Variants in EIF3H observed in about 807,000 individuals in gnomAD.
EIF3H encodes the protein eukaryotic translation initiation factor 3 subunit H.
EIF3H carries 26 observed loss-of-function variants against 44.2 expected under a neutral mutation model. The ratio of observed to expected loss-of-function variants is 0.59; its 90% CI spans 0.43 to 0.82. EIF3H has a LOEUF of 0.82. EIF3H is among the 40% of genes least tolerant of loss of function. EIF3H has a pLI of 0.00. For synonymous variants in EIF3H, 166 were observed against 151.9 expected, an observed-to-expected ratio of 1.09 and a Z score of -0.68; for missense variants, 359 against 432.8, an observed-to-expected ratio of 0.83 and a Z score of 1.51.
intron 5 of EIF3H, among the ~76,000 whole-genome samples, chr8:116,655,569 G>C (rs1813474895): frequency 6.6e-6 from 1 of 152,016 alleles, no homozygotes; most frequent in South Asian, 2.1e-4. Context: ...CCTCCCTCTT[G>C]GGCACTGACC....
chr8:116,657,274 T>C lies in EIF3H; in HGVS notation c.498A>G (p.Ala166=), dbSNP rs200856347. The C allele has an allele frequency of 2.5e-6, 4 of 1,613,818 alleles. No homozygotes were observed. The South Asian group carries it at 3.3e-5, about 13-fold the overall frequency. Residue 166 remains alanine (A), a synonymous_variant, in exon 4 of 8, where the codon GCA becomes GCG. Transcript: ENST00000521861. Reference sequence around the variant, plus strand: ...CCATCAGTTTAGGAGTCAGTCTGTATGCCTTTAGTGAGAGAGATCCTTGGG... The same window carrying C: ...CCATCAGTTTAGGAGTCAGTCTGTACGCCTTTAGTGAGAGAGATCCTTGGG... ...KTAQGSLSLK[A]YRLTPKLMEV...
intron 2 of EIF3H, among the ~76,000 whole-genome samples, chr8:116,712,150 A>G (rs1814582924): frequency 6.6e-6 from 1 of 152,170 alleles, no homozygotes; most frequent in South Asian, 2.1e-4. Context: ...GCTGAGGATA[A>G]CAGCATGCCA....
At chr8:116,717,924 C>T (rs1814680885) in intron 2 of EIF3H, among the ~76,000 whole-genome samples, 1 of 152,092 alleles carries the variant, frequency 6.6e-6, no homozygotes, top group South Asian at 2.1e-4. Flanking sequence ...AGCTTCTGCA[C>T]AGCAAAAGAA....
At chr8:116,755,891 G>A (rs1815439295), upstream of EIF3H, 6 of 1,567,584 alleles carry the variant, frequency 3.8e-6, no homozygotes, top group Non-Finnish European at 5.2e-6. Flanking sequence ...GCGTTCGAGG[G>A]GCGGAGACGG....
At chr8:116,683,451 A>G (rs534800674) in intron 2 of EIF3H, among the ~76,000 whole-genome samples, 1 of 152,278 alleles carries the variant, frequency 6.6e-6, no homozygotes, top group Admixed American at 6.5e-5. Flanking sequence ...TAAGGACATG[A>G]GCCCTGCTCT....
At chr8:116,714,647 T>C (rs534217312) in intron 2 of EIF3H, among the ~76,000 whole-genome samples, 18 of 152,136 alleles carry the variant, frequency 1.2e-4, no homozygotes, top group African/African-American at 4.3e-4. Flanking sequence ...TTTCAAAACA[T>C]GCCCCCAAAC....
chr8:116,674,067 CAAAAAAAAAAA>C (rs59899280), intron 2 of EIF3H, among the ~76,000 whole-genome samples: 3 of 49,664 alleles, frequency 6.0e-5, no homozygotes, highest in African/African-American at 1.8e-4. Context: ...AAGACTGTCT[CAAAAAAAAAAA>C]AAAAAAAAAA....
chr8:116,673,020 A>C (rs1307480890), intron 2 of EIF3H, among the ~76,000 whole-genome samples: 1 of 151,472 alleles, frequency 6.6e-6, no homozygotes, highest in African/African-American at 2.4e-5. Context: ...AAAAAAAAAA[A>C]AAAACACCAC....
chr8:116,721,247 C>T (rs149030181), intron 2 of EIF3H, among the ~76,000 whole-genome samples: 52 of 152,280 alleles, frequency 3.4e-4, no homozygotes, highest in African/African-American at 9.9e-4. Flanking sequence ...TTTCAGAGGG[C>T]GCAAGTCCCA....
At chr8:116,663,075 CCCACAGG>C (rs1179424140) in intron 2 of EIF3H, among the ~76,000 whole-genome samples, 6 of 152,126 alleles carry the variant, frequency 3.9e-5, no homozygotes, top group Non-Finnish European at 8.8e-5. Flanking sequence ...CATGTCATAG[CCCACAGG>C]CTCTGGTGAC....
chr8:116,654,699 T>C (rs1028991567), intron 5 of EIF3H, among the ~76,000 whole-genome samples: 3 of 152,200 alleles, frequency 2.0e-5, no homozygotes, highest in African/African-American at 7.2e-5. Context: ...AACCTGGCTG[T>C]GTTACTGAGC....
chr8:116,729,252 A>G (rs928580301), intron 1 of EIF3H, among the ~76,000 whole-genome samples: 4 of 152,246 alleles, frequency 2.6e-5, no homozygotes, highest in Non-Finnish European at 5.9e-5. Flanking sequence ...GCTGATTCCT[A>G]CATATGCAAA....
In EIF3H at chr8:116,658,880, G is replaced by A. The variant is rs756333933; in HGVS notation, c.390C>T (p.Thr130=). Residue 130 remains threonine, a synonymous_variant, in exon 3 of 8, where the codon ACC becomes ACT. Transcript: ENST00000521861. The part of the protein sequence containing the change: ...YQSTYYGSFV[T]RALLDSQFSY... Reference sequence around the variant, plus strand: ...TAAACTGAGAGTCCAGGAGTGCCCGGGTAACGAATGAGCCATAGTATGTGG... The same window carrying A: ...TAAACTGAGAGTCCAGGAGTGCCCGAGTAACGAATGAGCCATAGTATGTGG... The A allele has an allele frequency of 1.2e-6, 2 of 1,613,916 alleles. No homozygotes were observed. Among genetic ancestry groups the A allele is most frequent in the South Asian group, 1.1e-5 (1 of 91,062 alleles).
At chr8:116,690,796 A>T (rs1208725210) in intron 2 of EIF3H, among the ~76,000 whole-genome samples, 1 of 152,224 alleles carries the variant, frequency 6.6e-6, no homozygotes, top group African/African-American at 2.4e-5. Flanking sequence ...ATATTCAAAG[A>T]TTATCTCTGC....
At position 116,670,739 on chromosome 8, in the gene EIF3H, T is replaced by C. The variant is rs74537679; in HGVS notation, c.290-11759A>G. Among the ~76,000 whole-genome samples the C allele has an allele frequency of 1.1e-3, 169 of 152,336 alleles. 3 individuals carry two copies. The East Asian group carries it at 0.029, about 26-fold the overall frequency. On this transcript the variant is annotated intron_variant, in intron 2 of 7. Transcript: ENST00000521861. ...TCTCAGGACAAATTTTATCCTATGT[T>C]AGAAATGTACCTTAGATATAAATAG...
intron 1 of EIF3H, among the ~76,000 whole-genome samples, chr8:116,727,951 T>C (rs1209277854): frequency 6.6e-6 from 1 of 152,210 alleles, no homozygotes; most frequent in Non-Finnish European, 1.5e-5. Flanking sequence ...AACAGCTTAC[T>C]AACATGTGAA....
At chr8:116,751,309 G>T (rs921306396) in intron 1 of EIF3H, among the ~76,000 whole-genome samples, 18 of 152,166 alleles carry the variant, frequency 1.2e-4, no homozygotes, top group African/African-American at 4.3e-4. Context: ...ACCTGCATAA[G>T]ATATTAGAAC....
chr8:116,752,223 A>G (rs758798741), intron 1 of EIF3H, among the ~76,000 whole-genome samples: 5 of 152,238 alleles, frequency 3.3e-5, no homozygotes, highest in Non-Finnish European at 7.3e-5. Context: ...GTACCTTTGG[A>G]GTAAAACAAT....
intron 2 of EIF3H, among the ~76,000 whole-genome samples, chr8:116,704,038 G>A (rs1484196761): frequency 6.6e-6 from 1 of 152,146 alleles, no homozygotes; most frequent in Non-Finnish European, 1.5e-5. Flanking sequence ...TGCCTTAGGG[G>A]ACTTAAAGAC....
Sources: gnomAD v4.1 joint callset for allele counts (sites outside exome capture counted in the v4.1 genomes callset) on GRCh38, gnomAD v4.1.1 for gene constraint, MANE v1.5 for transcripts, NCBI Gene and HGNC (gene_info 2026-07-23, HGNC 2026-07-21) for gene names.